PRKG1: variants seen among roughly 807,000 people sequenced by gnomAD.
The protein encoded by PRKG1 is protein kinase cGMP-dependent 1.
In PRKG1, 35 loss-of-function variants were observed where a neutral mutation model predicts 88.1. The observed-to-expected ratio is 0.40, with a 90% CI of 0.30 to 0.53. The LOEUF (loss-of-function observed/expected upper bound fraction) is 0.53. Among genes scored for constraint, PRKG1 ranks in the 20% least tolerant of loss-of-function variants. PRKG1 has a pLI of 0.59. For synonymous variants in PRKG1, 303 were observed against 292.5 expected (o/e 1.04, Z -0.37); for missense variants, 540 against 839.8 (o/e 0.64, Z 4.41).
chr10:50,993,147 G>A (rs1229367039), intron 1 of PRKG1, among the ~76,000 whole-genome samples: 2 of 152,176 alleles, frequency 1.3e-5, no homozygotes, highest in African/African-American at 4.8e-5. Flanking sequence ...GGGATGGGGA[G>A]CCAGGGAGGC....
At chr10:51,783,881 T>A (rs1358046148) in intron 3 of PRKG1, among the ~76,000 whole-genome samples, 1 of 152,184 alleles carries the variant, frequency 6.6e-6, no homozygotes, top group Non-Finnish European at 1.5e-5. Flanking sequence ...AAGTGTGTGA[T>A]GTGAACTTGT....
At chr10:51,396,879 A>G (rs1837590384) in intron 2 of PRKG1, among the ~76,000 whole-genome samples, 1 of 152,202 alleles carries the variant, frequency 6.6e-6, no homozygotes, top group East Asian at 1.9e-4. Flanking sequence ...GGAAAATTTA[A>G]GGGGGTGCCA....
chr10:51,158,080 A>C (rs2131983376), intron 2 of PRKG1, among the ~76,000 whole-genome samples: 1 of 152,008 alleles, frequency 6.6e-6, no homozygotes, highest in Non-Finnish European at 1.5e-5. Context: ...GTCTGTACTC[A>C]TCCTACAATC....
intron 3 of PRKG1, chr10:51,695,529 A>C (rs1841265954): frequency 6.6e-6 from 1 of 152,252 alleles, no homozygotes; most frequent in African/African-American, 2.4e-5. Context: ...AACAATGCAG[A>C]GATTTGACTA....
intron 3 of PRKG1, among the ~76,000 whole-genome samples, chr10:51,670,330 A>G (rs1392707269): frequency 6.6e-6 from 1 of 150,800 alleles, no homozygotes; most frequent in Non-Finnish European, 1.5e-5. Context: ...CTTTATATTG[A>G]CCTTGCTTTT....
At chr10:51,216,888 A>G (rs1838385725) in intron 2 of PRKG1, among the ~76,000 whole-genome samples, 1 of 152,120 alleles carries the variant, frequency 6.6e-6, no homozygotes, top group African/African-American at 2.4e-5. Flanking sequence ...TATAAATTCC[A>G]CCTTGTTCCC....
At chr10:51,825,028 A>T (rs1395765803) in intron 4 of PRKG1, among the ~76,000 whole-genome samples, 1 of 152,162 alleles carries the variant, frequency 6.6e-6, no homozygotes, top group African/African-American at 2.4e-5. Context: ...TGGGGCCTTT[A>T]TCTGTATAAT....
chr10:51,710,599 C>T (rs909663505), intron 3 of PRKG1, among the ~76,000 whole-genome samples: 4 of 152,138 alleles, frequency 2.6e-5, no homozygotes, highest in African/African-American at 4.8e-5. Context: ...CCTTTCACGA[C>T]CAGAGTTCTT....
At chr10:51,562,806 T>C (rs970131260) in intron 3 of PRKG1, among the ~76,000 whole-genome samples, 6 of 152,260 alleles carry the variant, frequency 3.9e-5, no homozygotes, top group Admixed American at 3.3e-4. Context: ...TCTCATTCTG[T>C]CACCCAGGCT....
chr10:51,573,657 A>G (rs1589096133), intron 3 of PRKG1, among the ~76,000 whole-genome samples: 1 of 151,812 alleles, frequency 6.6e-6, no homozygotes, highest in Non-Finnish European at 1.5e-5. Context: ...TTTTTCTTGA[A>G]CAGAGCCTCC....
At chr10:51,220,818 G>C (rs1005336070) in intron 2 of PRKG1, among the ~76,000 whole-genome samples, 3 of 151,926 alleles carry the variant, frequency 2.0e-5, no homozygotes, top group Non-Finnish European at 4.4e-5. Flanking sequence ...AAATATATAA[G>C]CAATTTCAAT....
rs183282838 is a variant in PRKG1 at position 51,760,852 on chromosome 10, T to A, written c.593-43733T>A. Among the ~76,000 whole-genome samples the A allele has an allele frequency of 7.9e-5, 12 of 152,258 alleles. No homozygotes were observed. The East Asian group carries it at 2.3e-3, about 30-fold the overall frequency. ...TCAACAGGCCTGGTGTGGTGGCTGA[T>A]GCCTGTAATCTTAGCACCGCGGGAG... On this transcript the variant is annotated intron_variant, in intron 3 of 17. Coordinates refer to ENST00000373980, the MANE Select transcript of PRKG1 (RefSeq NM_006258.4).
chr10:51,783,550 G>A (rs969157582), intron 3 of PRKG1, among the ~76,000 whole-genome samples: 4 of 152,030 alleles, frequency 2.6e-5, no homozygotes, highest in African/African-American at 9.7e-5. Flanking sequence ...CCAAACTGTT[G>A]GGATTAAAAG....
At chr10:51,125,042 G>C (rs1845361806) in intron 1 of PRKG1, among the ~76,000 whole-genome samples, 1 of 152,212 alleles carries the variant, frequency 6.6e-6, no homozygotes, top group South Asian at 2.1e-4. Context: ...ACTTGGCCAA[G>C]CATGGTGGCT....
At chr10:51,963,780 A>G (rs1843503771) in intron 5 of PRKG1, among the ~76,000 whole-genome samples, 1 of 152,122 alleles carries the variant, frequency 6.6e-6, no homozygotes, top group Non-Finnish European at 1.5e-5. Context: ...TGCACATAAG[A>G]AAAATTAGGT....
chr10:51,363,592 G>A (rs1842529915), intron 2 of PRKG1, among the ~76,000 whole-genome samples: 1 of 151,978 alleles, frequency 6.6e-6, no homozygotes, highest in Admixed American at 6.6e-5. Context: ...GTATTATCTT[G>A]TTATTGGTTA....
intron 3 of PRKG1, among the ~76,000 whole-genome samples, chr10:51,641,079 G>GA (rs901583744): frequency 1.8e-4 from 28 of 151,934 alleles, no homozygotes; most frequent in African/African-American, 6.0e-4. Flanking sequence ...CAGATAATCA[G>GA]AAAAAAGCCC....
intron 7 of PRKG1, among the ~76,000 whole-genome samples, chr10:52,078,642 C>G (rs1369000777): frequency 6.6e-6 from 1 of 152,178 alleles, no homozygotes; most frequent in East Asian, 1.9e-4. Flanking sequence ...ATTTTAACTG[C>G]TATTCTTATT....
intron 5 of PRKG1, among the ~76,000 whole-genome samples, chr10:52,035,938 G>A (rs1253062091): frequency 6.6e-6 from 1 of 152,216 alleles, no homozygotes; most frequent in African/African-American, 2.4e-5. Context: ...TCTTGTGTAA[G>A]AATTCTGACC....
Sources: gnomAD v4.1 joint callset for allele counts (sites outside exome capture counted in the v4.1 genomes callset) on GRCh38, gnomAD v4.1.1 for gene constraint, MANE v1.5 for transcripts, NCBI Gene and HGNC (gene_info 2026-07-23, HGNC 2026-07-21) for gene names.